Variants in GRXCR2 observed in about 807,000 individuals in gnomAD.
GRXCR2 encodes the protein glutaredoxin domain-containing cysteine-rich protein 2.
Under a neutral mutation model 24.8 loss-of-function variants are expected in GRXCR2, and 23 were observed. The ratio of observed to expected loss-of-function variants is 0.93; its 90% CI spans 0.67 to 1.32. The LOEUF (loss-of-function observed/expected upper bound fraction) is 1.32. Ranked by LOEUF, GRXCR2 falls within the 40% of genes most tolerant of loss-of-function variation. The pLI, the probability that GRXCR2 is intolerant of heterozygous loss-of-function variation, is 0.00. For missense variants in GRXCR2, 315 were observed against 303.4 expected (o/e 1.04, Z -0.28); for synonymous variants, 130 against 116.1 (o/e 1.12, Z -0.77).
At chr5:145,927,062 T>C (rs1757409242) in intron 2 of GRXCR2, among the ~76,000 whole-genome samples, 1 of 152,184 alleles carries the variant, frequency 6.6e-6, no homozygotes, top group Non-Finnish European at 1.5e-5. Flanking sequence ...TGCTTGTGAT[T>C]TTTGCACATT....
chr5:145,909,959 T>C (rs960965306), intron 2 of GRXCR2, among the ~76,000 whole-genome samples: 4 of 152,140 alleles, frequency 2.6e-5, no homozygotes, highest in Admixed American at 6.5e-5. Flanking sequence ...TCAGACACGA[T>C]TTCTCCTCTC....
At chr5:145,876,192 T>TGTATATATAC (rs1491356281), upstream of GRXCR2, among the ~76,000 whole-genome samples, 1 of 21,186 alleles carries the variant, frequency 4.7e-5, no homozygotes, top group East Asian at 1.2e-3. Flanking sequence ...TGTGTGTGTG[T>TGTATATATAC]ATATATATAT....
intron 2 of GRXCR2, among the ~76,000 whole-genome samples, chr5:145,918,389 G>A (rs1757272863): frequency 6.6e-6 from 1 of 152,170 alleles, no homozygotes; most frequent in South Asian, 2.1e-4. Flanking sequence ...CTACAGCTCA[G>A]CAAAGCCAGC....
rs373088083 is a variant in GRXCR2 at position 145,919,455 on chromosome 5, G to C, written c.-70+16246C>G. Among the ~76,000 whole-genome samples the C allele has an allele frequency of 3.0e-3, 461 of 152,208 alleles. 1 individual carries two copies. Among genetic ancestry groups the C allele is most frequent in the African/African-American group, 0.011 (442 of 41,512 alleles). ...GTAGCCTCATTCTCCAAGCTAACAA[G>C]TGAGGAGATGACCCCAGCCCCTCCA... On this transcript the variant is annotated intron_variant, in intron 2 of 3. Coordinates refer to the GRXCR2 transcript ENST00000639411.
At chr5:145,889,172 A>AAAAAGAAAGAAAG (rs757883920) in intron 2 of GRXCR2, among the ~76,000 whole-genome samples, 6 of 84,048 alleles carry the variant, frequency 7.1e-5, no homozygotes, top group African/African-American at 2.3e-4. Context: ...CTGTCTCAAA[A>AAAAAGAAAGAAAG]AAAGAAAGAA....
At chr5:145,912,370 C>T (rs182385302) in intron 2 of GRXCR2, among the ~76,000 whole-genome samples, 3 of 152,138 alleles carry the variant, frequency 2.0e-5, no homozygotes, top group East Asian at 3.9e-4. Flanking sequence ...AGGAAGGCTT[C>T]CTGGATGAAA....
intron 2 of GRXCR2, among the ~76,000 whole-genome samples, chr5:145,866,134 C>CA (rs71581841): frequency 0.044 from 3,740 of 85,650 alleles, 86 homozygotes; most frequent in African/African-American, 0.083. Context: ...AACTCCTTCT[C>CA]AAAAAAAAAA....
chr5:145,895,596 G>T (rs1330146776), intron 2 of GRXCR2, among the ~76,000 whole-genome samples: 3 of 152,104 alleles, frequency 2.0e-5, no homozygotes, highest in East Asian at 1.9e-4. Context: ...ACCTCTTCAA[G>T]GAGAACTACA....
chr5:145,906,588 A>C (rs1757092347), intron 2 of GRXCR2, among the ~76,000 whole-genome samples: 1 of 152,200 alleles, frequency 6.6e-6, no homozygotes, highest in Admixed American at 6.5e-5. Context: ...ATCCAATCAC[A>C]TTCCTTTCTG....
At chr5:145,867,312 G>A (rs892236885) in intron 1 of GRXCR2, among the ~76,000 whole-genome samples, 2 of 152,012 alleles carry the variant, frequency 1.3e-5, no homozygotes, top group African/African-American at 2.4e-5. Flanking sequence ...AGAGTTACTC[G>A]GGCACTGTAA....
At chr5:145,908,701 G>A (rs1432086994) in intron 2 of GRXCR2, among the ~76,000 whole-genome samples, 1 of 152,146 alleles carries the variant, frequency 6.6e-6, no homozygotes, top group Non-Finnish European at 1.5e-5. Context: ...GTAGGAAAAG[G>A]ACCCTGGGGA....
In GRXCR2 at chr5:145,864,362, A is replaced by G. The variant is rs899481314; in HGVS notation, c.564+2139T>C. 2.6e-5 allele frequency among the ~76,000 whole-genome samples: 4 copies of G among 152,184 alleles called. No homozygotes were observed. In the South Asian group the frequency reaches 8.3e-4, roughly 32 times the overall value. ...GGGGCCAGCAGAGGCCAGGCTACACAGAGCTTTCTGGGACAAGTAAGGAGT... is the reference window on the plus strand; with the variant it reads ...GGGGCCAGCAGAGGCCAGGCTACACGGAGCTTTCTGGGACAAGTAAGGAGT... On this transcript the variant is annotated intron_variant, in intron 2 of 2. Coordinates refer to ENST00000377976, the MANE Select transcript of GRXCR2 (RefSeq NM_001080516.2).
At chr5:145,893,989 C>T (rs375130212) in intron 2 of GRXCR2, among the ~76,000 whole-genome samples, 1 of 152,212 alleles carries the variant, frequency 6.6e-6, no homozygotes, top group African/African-American at 2.4e-5. Context: ...TCACTCAAAA[C>T]CGCTCAACTA....
rs116550905 is a variant in GRXCR2, at chr5:145,872,309, G to T, written c.336+324C>A. Among the ~76,000 whole-genome samples the T allele has an allele frequency of 1.2e-3, 179 of 152,250 alleles. No homozygotes were observed. In the South Asian group the frequency reaches 0.014, roughly 12 times the overall value. On this transcript the variant is annotated intron_variant, in intron 1 of 2. Coordinates refer to ENST00000377976, the MANE Select transcript of GRXCR2 (RefSeq NM_001080516.2). ...AATGACTGCATAATTGTCTAAAACC[G>T]CAGTCTGACAACCTGAAAACCACTG...
intron 2 of GRXCR2, among the ~76,000 whole-genome samples, chr5:145,901,931 T>G (rs1018057621): frequency 3.3e-5 from 5 of 152,116 alleles, no homozygotes; most frequent in African/African-American, 1.2e-4. Flanking sequence ...TAATGAGAAG[T>G]AGGCAGATTC....
chr5:145,877,788 T>C (rs1756640726), upstream of GRXCR2, among the ~76,000 whole-genome samples: 2 of 152,194 alleles, frequency 1.3e-5, no homozygotes. Context: ...AGACACCTCA[T>C]ATAGGTGGGT....
intron 2 of GRXCR2, among the ~76,000 whole-genome samples, chr5:145,925,081 T>C (rs1216352865): frequency 6.6e-6 from 1 of 152,210 alleles, no homozygotes; most frequent in South Asian, 2.1e-4. Context: ...AAGCATCTTC[T>C]CAGTGTGTGC....
upstream of GRXCR2, among the ~76,000 whole-genome samples, chr5:145,873,710 G>T (rs1430533617): frequency 6.6e-6 from 1 of 152,140 alleles, no homozygotes. Context: ...CTGGATTCTG[G>T]GCCTTCTCCC....
chr5:145,896,648 G>T (rs1756954545), intron 2 of GRXCR2, among the ~76,000 whole-genome samples: 1 of 152,186 alleles, frequency 6.6e-6, no homozygotes, highest in Non-Finnish European at 1.5e-5. Flanking sequence ...GTGCTGGAGA[G>T]GATGTGGAGA....
Sources: allele counts gnomAD v4.1 joint callset (sites outside exome capture counted in the v4.1 genomes callset), GRCh38; gene constraint gnomAD v4.1.1; transcripts MANE v1.5; gene names NCBI Gene and HGNC (gene_info 2026-07-23, HGNC 2026-07-21).